ATP6V0E1: variants seen among roughly 807,000 people sequenced by gnomAD.
The protein encoded by ATP6V0E1 is ATPase H+ transporting V0 subunit e1.
Under a neutral mutation model 11.6 loss-of-function variants are expected in ATP6V0E1, and 4 were observed. The observed-to-expected ratio is 0.35, with a 90% CI of 0.17 to 0.79. The LOEUF (loss-of-function observed/expected upper bound fraction) is 0.79, where lower values mean the gene tolerates loss of function less well. ATP6V0E1 is among the 30% of genes least tolerant of loss of function. The pLI, the probability that ATP6V0E1 is intolerant of heterozygous loss-of-function variation, is 0.54. For synonymous variants in ATP6V0E1, 36 were observed against 34.8 expected, an observed-to-expected ratio of 1.04 and a Z score of -0.13; for missense variants, 105 against 100.0, an observed-to-expected ratio of 1.05 and a Z score of -0.21.
chr5:172,990,862 C>T (rs1159858009), intron 1 of ATP6V0E1, among the ~76,000 whole-genome samples: 1 of 151,654 alleles, frequency 6.6e-6, no homozygotes, highest in Admixed American at 6.6e-5. Context: ...CAGATGGGAT[C>T]TCGCTCTGTT....
intron 3 of ATP6V0E1, among the ~76,000 whole-genome samples, chr5:173,028,910 A>C (rs956003432): frequency 1.3e-5 from 2 of 152,108 alleles, no homozygotes; most frequent in Non-Finnish European, 2.9e-5. Flanking sequence ...GCTACCATGG[A>C]ATCTCCTTGG....
At chr5:173,023,380 GA>G (rs1274497645) in intron 3 of ATP6V0E1, among the ~76,000 whole-genome samples, 1 of 152,180 alleles carries the variant, frequency 6.6e-6, no homozygotes, top group Non-Finnish European at 1.5e-5. Context: ...ACTTTTAGTA[GA>G]GATGGGTTTT....
chr5:172,989,686 C>T (rs1285160420), intron 1 of ATP6V0E1, among the ~76,000 whole-genome samples: 2 of 152,046 alleles, frequency 1.3e-5, no homozygotes, highest in African/African-American at 2.4e-5. Context: ...GCCACCATGC[C>T]CAGCTCATTT....
chr5:172,990,303 C>T (rs915940056), intron 1 of ATP6V0E1, among the ~76,000 whole-genome samples: 1 of 152,112 alleles, frequency 6.6e-6, no homozygotes, highest in Non-Finnish European at 1.5e-5. Flanking sequence ...AATCAGCTTT[C>T]CTGATTCCTG....
intron 3 of ATP6V0E1, among the ~76,000 whole-genome samples, chr5:173,027,338 A>T (rs1397901080): frequency 1.3e-5 from 2 of 149,608 alleles, no homozygotes; most frequent in Non-Finnish European, 3.0e-5. Context: ...AAAAAAAAAA[A>T]AAAAATACAA....
chr5:173,007,208 C>G (rs186985069), intron 2 of ATP6V0E1, among the ~76,000 whole-genome samples: 1 of 152,136 alleles, frequency 6.6e-6, no homozygotes, highest in African/African-American at 2.4e-5. Flanking sequence ...CTCCTGAGCT[C>G]AAGCATTCTG....
chr5:173,012,037 A>G (rs1415197618), intron 2 of ATP6V0E1, among the ~76,000 whole-genome samples: 1 of 139,202 alleles, frequency 7.2e-6, no homozygotes, highest in South Asian at 2.2e-4. Flanking sequence ...TTCCTAGGTA[A>G]ATTTTTTTTT....
rs144194770 is a variant in ATP6V0E1 at position 173,003,295 on chromosome 5, G to T, written c.152+8473G>T. ...GAAGGGGCTGTGAGGGGAGTGATTG[G>T]GCCTCTCTGGCTCTTGATTTGTTTA... On this transcript the variant is annotated intron_variant, in intron 2 of 3. Coordinates refer to ENST00000519374, the MANE Select transcript of ATP6V0E1 (RefSeq NM_003945.4). Among the ~76,000 whole-genome samples, 913 of 152,168 alleles carry T rather than the reference G, an allele frequency of 6.0e-3. 13 individuals carry two copies. The highest frequency in any genetic ancestry group is 0.021 in the African/African-American group (854 of 41,508).
In ATP6V0E1 at chr5:173,034,744, A is replaced by G; in HGVS notation, c.*382A>G. On this transcript the variant is annotated 3_prime_UTR_variant, in exon 4 of 4. Transcript: ENST00000519374. ...TGAAGTGTTTAGAAACTGCTGCAAG[A>G]CAAACAAGACTCCAGTGGGGTGGTC... is the stretch of plus-strand genomic sequence containing the variant. The G allele has an allele frequency of 5.8e-6, 2 of 344,102 alleles. No individual in the cohort carries two copies. The allele number at this position is 344,102 out of a possible 1,614,324, so 21.3% of individuals were successfully genotyped here. A position where few individuals can be genotyped will look rare whatever the true frequency, so the allele number is the denominator to read the frequency against.
intron 2 of ATP6V0E1, among the ~76,000 whole-genome samples, chr5:173,006,349 G>A (rs1382092486): frequency 6.6e-6 from 1 of 152,122 alleles, no homozygotes; most frequent in Non-Finnish European, 1.5e-5. Flanking sequence ...GATGGCTCAC[G>A]CCTGTAATCC....
intron 2 of ATP6V0E1, among the ~76,000 whole-genome samples, chr5:173,012,448 G>A (rs892766723): frequency 6.6e-6 from 1 of 152,032 alleles, no homozygotes; most frequent in East Asian, 1.9e-4. Context: ...AGTCAACTCA[G>A]GATGGGTTAA....
chr5:172,988,997 T>G (rs1425742832), intron 1 of ATP6V0E1, among the ~76,000 whole-genome samples: 1 of 152,140 alleles, frequency 6.6e-6, no homozygotes, highest in Non-Finnish European at 1.5e-5. Flanking sequence ...TTGTGGTGAA[T>G]TTTTAATACA....
chr5:172,996,191 TATAGCTGTGATTTAAA>T (rs1313728375), intron 2 of ATP6V0E1, among the ~76,000 whole-genome samples: 25 of 152,160 alleles, frequency 1.6e-4, no homozygotes, highest in Admixed American at 3.3e-4. Context: ...AAATTTACCA[TATAGCTGTGATTTAAA>T]ATAGCTGTGA....
intron 1 of ATP6V0E1, among the ~76,000 whole-genome samples, chr5:172,992,382 T>A (rs1315946050): frequency 6.6e-6 from 1 of 152,126 alleles, no homozygotes; most frequent in African/African-American, 2.4e-5. Context: ...AGTCAAAGCC[T>A]TTTAAGAGTG....
chr5:173,028,916 C>G (rs988604014), intron 3 of ATP6V0E1, among the ~76,000 whole-genome samples: 2 of 152,166 alleles, frequency 1.3e-5, no homozygotes, highest in African/African-American at 4.8e-5. Flanking sequence ...ATGGAATCTC[C>G]TTGGAGGGGT....
intron 1 of ATP6V0E1, among the ~76,000 whole-genome samples, chr5:172,986,249 A>G (rs1368163677): frequency 1.3e-5 from 2 of 152,210 alleles, no homozygotes; most frequent in African/African-American, 4.8e-5. Context: ...TTCTTTCTTC[A>G]AAAATAAATT....
At chr5:173,027,178 CAAAAAAAAAAAAAAA>C (rs1158447516) in intron 3 of ATP6V0E1, among the ~76,000 whole-genome samples, 2 of 26,048 alleles carry the variant, frequency 7.7e-5, no homozygotes, top group East Asian at 1.5e-3. Context: ...GACTCCGTCT[CAAAAAAAAAAAAAAA>C]AAAAAAAAAA....
intron 2 of ATP6V0E1, among the ~76,000 whole-genome samples, chr5:173,009,936 G>C (rs1756293879): frequency 6.6e-6 from 1 of 150,716 alleles, no homozygotes; most frequent in South Asian, 2.1e-4. Context: ...GCCAATTTTT[G>C]TATTTTTAGT....
intron 3 of ATP6V0E1, 144 bp downstream of exon 3, chr5:173,020,511 T>C: frequency 1.7e-6 from 1 of 597,532 alleles, no homozygotes; most frequent in Non-Finnish European, 3.0e-6. Flanking sequence ...AGAAATAAAA[T>C]TGGAACTTAA....
Sources: allele counts gnomAD v4.1 joint callset (sites outside exome capture counted in the v4.1 genomes callset), GRCh38; gene constraint gnomAD v4.1.1; transcripts MANE v1.5; gene names NCBI Gene and HGNC (gene_info 2026-07-23, HGNC 2026-07-21).